SLCO3A1: variants seen among roughly 807,000 people sequenced by gnomAD.
SLCO3A1 encodes the protein PGE1 transporter.
A neutral mutation model predicts 63.1 loss-of-function variants in SLCO3A1; 27 were observed. The observed-to-expected ratio is 0.43, with a 90% CI of 0.32 to 0.59. The LOEUF (loss-of-function observed/expected upper bound fraction) is 0.59, where lower values mean the gene tolerates loss of function less well. Among genes scored for constraint, SLCO3A1 ranks in the 20% least tolerant of loss-of-function variants. SLCO3A1 has a pLI of 0.09. For missense variants in SLCO3A1, 773 were observed against 945.8 expected, an observed-to-expected ratio of 0.82 and a Z score of 2.40; for synonymous variants, 473 against 409.9, an observed-to-expected ratio of 1.15 and a Z score of -1.86.
chr15:92,149,035 T>C (rs1035115294), intron 8 of SLCO3A1: 2 of 152,274 alleles, frequency 1.3e-5, no homozygotes, highest in African/African-American at 4.8e-5. Context: ...TATATTGTGA[T>C]ATTCATACAC....
rs1284594538 is a variant in SLCO3A1, at chr15:91,948,521, C to G, written c.646+32063C>G. ...GGGGATTTTCTAATCTAAGTGTTCTCCCAAGGAAGTGCAAGTCAGGAGAGG... is the reference window on the plus strand; with the variant it reads ...GGGGATTTTCTAATCTAAGTGTTCTGCCAAGGAAGTGCAAGTCAGGAGAGG... On this transcript the variant is annotated intron_variant, in intron 2 of 9. Transcript: ENST00000318445. The surrounding 1 kb of genome is among the most constrained non-coding windows in gnomAD (Gnocchi z 4.8). Among the ~76,000 whole-genome samples the G allele has an allele frequency of 6.6e-6, 1 of 152,198 alleles. No homozygotes were observed. The highest frequency in any genetic ancestry group is 1.5e-5 in the Non-Finnish European group (1 of 68,042).
At chr15:92,074,094 C>T (rs554804239) in intron 2 of SLCO3A1, among the ~76,000 whole-genome samples, 6 of 152,290 alleles carry the variant, frequency 3.9e-5, no homozygotes, top group Admixed American at 6.5e-5. Context: ...TTGCTTGAAC[C>T]GAGGAGGCAG....
chr15:91,899,854 A>G (rs1217534636), intron 1 of SLCO3A1, among the ~76,000 whole-genome samples: 2 of 152,140 alleles, frequency 1.3e-5, no homozygotes, highest in Admixed American at 6.5e-5. Flanking sequence ...GAATCATGCA[A>G]TATATATAGT....
chr15:92,156,522 CTTACCAACT>C (rs1235057142), intron 9 of SLCO3A1, among the ~76,000 whole-genome samples: 1 of 152,218 alleles, frequency 6.6e-6, no homozygotes, highest in Non-Finnish European at 1.5e-5. Flanking sequence ...CTCTCTGGGC[CTTACCAACT>C]TTAACAAGGG....
rs1394332905 is a variant in SLCO3A1, at chr15:92,163,339, G to A, written c.*204G>A. The A allele has an allele frequency of 2.2e-5, 27 of 1,214,592 alleles. No individual in the cohort carries two copies. The highest frequency in any genetic ancestry group is 4.7e-5 in the African/African-American group (3 of 63,730). The allele number at this position is 1,214,592 out of a possible 1,614,324, so 75.2% of individuals were successfully genotyped here. A position where few individuals can be genotyped will look rare whatever the true frequency, so the allele number is the denominator to read the frequency against. The stretch of plus-strand genomic sequence containing the variant: ...TTCAGAATAAGGAGAGAATGACATC[G>A]TGCGGCAGGGTCCTGGAGGCCACTT... On this transcript the variant is annotated 3_prime_UTR_variant, in exon 10 of 10. Coordinates refer to ENST00000318445, the MANE Select transcript of SLCO3A1 (RefSeq NM_013272.4).
At chr15:91,995,655 AC>A (rs2046182094) in intron 2 of SLCO3A1, among the ~76,000 whole-genome samples, 1 of 151,540 alleles carries the variant, frequency 6.6e-6, no homozygotes, top group South Asian at 2.1e-4. Context: ...TGGCTGTGAA[AC>A]TGAAGCTTTA....
intron 2 of SLCO3A1, among the ~76,000 whole-genome samples, chr15:91,918,653 T>TA (rs749829377): frequency 1.2e-3 from 182 of 152,290 alleles, no homozygotes; most frequent in Non-Finnish European, 2.2e-3. Context: ...GTATGAGCTA[T>TA]AAAAAAAGTG....
At position 91,862,963 on chromosome 15, in the gene SLCO3A1, T is replaced by G. The variant is rs1229950276; in HGVS notation, c.180+8875T>G. Among the ~76,000 whole-genome samples, 2 of 152,222 alleles carry G rather than the reference T, an allele frequency of 1.3e-5. No homozygotes were observed. Among genetic ancestry groups the G allele is most frequent in the African/African-American group, 4.8e-5 (2 of 41,450 alleles). On this transcript the variant is annotated intron_variant, in intron 1 of 9. Transcript: ENST00000318445. This position sits in a 1 kb window ranked among gnomAD's most constrained non-coding sequence, Gnocchi z 4.0. ...AATTTGTCTCCCAACTTCAGCTGAT[T>G]AGAAGGAGAAATTACCACCTTGAAT...
rs796574896 is a variant in SLCO3A1, at chr15:92,163,650, G to A, written c.*515G>A. ...TCTTCCTCCAGGTGGGGGTGGGGGC[G>A]GGCGCACAAGTCGGAGGGGTGGAAG... On this transcript the variant is annotated 3_prime_UTR_variant, in exon 10 of 10. Transcript: ENST00000318445. 26 of 985,088 alleles carry A rather than the reference G, an allele frequency of 2.6e-5. No homozygotes were observed. Among genetic ancestry groups the A allele is most frequent in the African/African-American group, 1.4e-4 (8 of 57,216 alleles). The allele number at this position is 985,088 out of a possible 1,614,324, so 61.0% of individuals were successfully genotyped here.
In SLCO3A1 at chr15:92,163,894, T is replaced by TTCCC. The variant is rs2048471200; in HGVS notation, c.*759_*760insTCCC. The TTCCC allele has an allele frequency of 1.0e-6, 1 of 985,588 alleles. No individual in the cohort carries two copies. Among genetic ancestry groups the TTCCC allele is most frequent in the African/African-American group, 1.7e-5 (1 of 57,350 alleles). 61.1% of individuals were successfully genotyped at this position (985,588 alleles called of 1,614,324 possible). On this transcript the variant is annotated 3_prime_UTR_variant, in exon 10 of 10. Coordinates refer to ENST00000318445, the MANE Select transcript of SLCO3A1 (RefSeq NM_013272.4). ...GGCCAGCACCTCCCAGTGGCGGGCA[T>TTCCC]CCACCTTCCCCCAGCCCCACAGAGT...
At chr15:92,165,949 G>C, downstream of SLCO3A1, 1 of 954,550 alleles carries the variant, frequency 1.0e-6, no homozygotes, top group Middle Eastern at 5.4e-4. Context: ...CACCATCTCA[G>C]CTGAACATGC....
chr15:91,946,059 G>C (rs923441692), intron 2 of SLCO3A1, among the ~76,000 whole-genome samples: 1 of 152,224 alleles, frequency 6.6e-6, no homozygotes, highest in Admixed American at 6.5e-5. Context: ...CGAAGTAAAA[G>C]CATCAGGCAT....
At chr15:92,012,365 A>G (rs536007099) in intron 2 of SLCO3A1, among the ~76,000 whole-genome samples, 2 of 152,288 alleles carry the variant, frequency 1.3e-5, no homozygotes, top group African/African-American at 4.8e-5. Context: ...ATTGAAAGTG[A>G]AGGTTTTCAA....
Position 91,897,288 on chromosome 15 carries a change from A to C in SLCO3A1, c.181-18705A>C, listed in dbSNP as rs978356044. 3.3e-5 allele frequency among the ~76,000 whole-genome samples: 5 copies of C among 152,000 alleles called. No homozygotes were observed. The highest frequency in any genetic ancestry group is 6.5e-5 in the Admixed American group (1 of 15,268). The stretch of plus-strand genomic sequence containing the variant: ...GGTGGCCAGTTTAGTAGAGATGGGG[A>C]TCTCTACTAAAAATTAGCTGGGCAT... On this transcript the variant is annotated intron_variant, in intron 1 of 9. Coordinates refer to ENST00000318445, the MANE Select transcript of SLCO3A1 (RefSeq NM_013272.4). This position sits in a 1 kb window ranked among gnomAD's most constrained non-coding sequence, Gnocchi z 4.7.
intron 4 of SLCO3A1, among the ~76,000 whole-genome samples, chr15:92,107,027 G>T (rs1292262248): frequency 6.6e-6 from 1 of 152,140 alleles, no homozygotes; most frequent in African/African-American, 2.4e-5. Context: ...TTCCACTAGG[G>T]TGCAATAGGC....
intron 2 of SLCO3A1, among the ~76,000 whole-genome samples, chr15:91,934,011 C>G (rs1372352426): frequency 1.3e-5 from 2 of 152,100 alleles, no homozygotes; most frequent in East Asian, 1.9e-4. Flanking sequence ...AGTGTTGAGT[C>G]TGGGCTTTGA....
intron 2 of SLCO3A1, among the ~76,000 whole-genome samples, chr15:91,922,773 T>G (rs1040416920): frequency 8.5e-5 from 13 of 152,252 alleles, no homozygotes; most frequent in Admixed American, 2.6e-4. Context: ...TTAATTTCTT[T>G]TTCTAAAATA....
Position 91,862,761 on chromosome 15 carries a change from G to T in SLCO3A1, c.180+8673G>T, listed in dbSNP as rs1897078568. On this transcript the variant is annotated intron_variant, in intron 1 of 9. Coordinates refer to ENST00000318445, the MANE Select transcript of SLCO3A1 (RefSeq NM_013272.4). This position sits in a 1 kb window ranked among gnomAD's most constrained non-coding sequence, Gnocchi z 4.0. ...CACAAAACTACAGGAATTTGAGGGAGTTAGAAGTGATTATTTTTACCGCCA... is the reference window on the plus strand; with the variant it reads ...CACAAAACTACAGGAATTTGAGGGATTTAGAAGTGATTATTTTTACCGCCA... Among the ~76,000 whole-genome samples, 1 of 152,232 alleles carries T rather than the reference G, an allele frequency of 6.6e-6. No individual in the cohort carries two copies. The highest frequency in any genetic ancestry group is 2.4e-5 in the African/African-American group (1 of 41,460).
At chr15:92,143,450 A>ATTATATAAT (rs1491262453) in intron 7 of SLCO3A1, among the ~76,000 whole-genome samples, 2 of 4,202 alleles carry the variant, frequency 4.8e-4, no homozygotes, top group African/African-American at 5.5e-3. Context: ...ATATATATAT[A>ATTATATAAT]ATATATATAA....
Sources: gnomAD v4.1 joint callset for allele counts (sites outside exome capture counted in the v4.1 genomes callset) on GRCh38, gnomAD v4.1.1 for gene constraint, Gnocchi (gnomAD v3.1) non-coding constraint, MANE v1.5 for transcripts, NCBI Gene and HGNC (gene_info 2026-07-23, HGNC 2026-07-21) for gene names.